The following CAMK1D variants were observed in gnomAD, a reference collection of about 807,000 sequenced individuals.
CAMK1D encodes calcium/calmodulin-dependent protein kinase type 1D.
A neutral mutation model predicts 47.7 loss-of-function variants in CAMK1D; 9 were observed. The observed-to-expected ratio is 0.19, with a 90% confidence interval of 0.11 to 0.33. The LOEUF (loss-of-function observed/expected upper bound fraction) is 0.33. Among genes scored for constraint, CAMK1D ranks in the 10% least tolerant of loss-of-function variants. CAMK1D has a pLI of 1.00. For missense variants in CAMK1D, 291 were observed against 488.7 expected (o/e 0.60, Z 3.81); for synonymous variants, 184 against 184.9 (o/e 0.99, Z 0.04).
intron 3 of CAMK1D, among the ~76,000 whole-genome samples, chr10:12,749,336 G>A (rs114126383): frequency 1.3e-5 from 2 of 151,096 alleles, no homozygotes; most frequent in South Asian, 4.2e-4. Context: ...TGGTTTTATA[G>A]GTTGTTAAAA....
chr10:12,822,036 G>A (rs1833032068), intron 8 of CAMK1D, among the ~76,000 whole-genome samples: 1 of 152,192 alleles, frequency 6.6e-6, no homozygotes, highest in Non-Finnish European at 1.5e-5. Context: ...CCATAGCGTT[G>A]CCTAAGTGTG....
intron 6 of CAMK1D, among the ~76,000 whole-genome samples, chr10:12,799,305 G>T (rs533990246): frequency 1.3e-5 from 2 of 152,192 alleles, no homozygotes; most frequent in East Asian, 1.9e-4. Flanking sequence ...AAAGTGCAGT[G>T]AAAGGCCTCA....
chr10:12,480,056 T>G (rs1252140168), intron 1 of CAMK1D, among the ~76,000 whole-genome samples: 2 of 152,206 alleles, frequency 1.3e-5, no homozygotes, highest in East Asian at 3.8e-4. Context: ...GCTTCTTGTC[T>G]GTTTCCCACA....
intron 10 of CAMK1D, 147 bp from the exon 11 acceptor site, chr10:12,828,622 A>C: frequency 1.6e-6 from 1 of 634,026 alleles, no homozygotes; most frequent in South Asian, 1.7e-5. Flanking sequence ...GCCTGGTGAA[A>C]AGAGTGAAAC....
intron 3 of CAMK1D, among the ~76,000 whole-genome samples, chr10:12,680,003 C>T (rs1212228855): frequency 6.6e-6 from 1 of 152,228 alleles, no homozygotes; most frequent in Non-Finnish European, 1.5e-5. Context: ...CCAGAAGCCC[C>T]AGCCACAGAA....
chr10:12,728,865 T>G (rs1185486709), intron 3 of CAMK1D, among the ~76,000 whole-genome samples: 1 of 152,238 alleles, frequency 6.6e-6, no homozygotes, highest in Non-Finnish European at 1.5e-5. Flanking sequence ...TTGCTCCCTC[T>G]TCAGGCTTGT....
intron 3 of CAMK1D, among the ~76,000 whole-genome samples, chr10:12,667,224 C>A (rs1413410963): frequency 6.6e-6 from 1 of 152,200 alleles, no homozygotes; most frequent in Non-Finnish European, 1.5e-5. Flanking sequence ...GGGAGGGAAG[C>A]AGATGGTAAC....
At chr10:12,365,345 T>G (rs1381490916) in intron 1 of CAMK1D, among the ~76,000 whole-genome samples, 5 of 152,200 alleles carry the variant, frequency 3.3e-5, no homozygotes, top group African/African-American at 1.2e-4. Flanking sequence ...CCAAATGAGA[T>G]AAGAATGTGT....
rs1467396443 is a variant in CAMK1D at position 12,366,050 on chromosome 10, C to T, written c.92+16140C>T. 6.6e-5 allele frequency among the ~76,000 whole-genome samples: 10 copies of T among 152,162 alleles called. No individual in the cohort carries two copies. The East Asian group carries it at 1.2e-3, about 18-fold the overall frequency. ...CAGTCTGGGTGACAGAATGAGACTC[C>T]GTCTCAAAAAAACACGTTTCCTTCT... On this transcript the variant is annotated intron_variant, in intron 1 of 10. Transcript: ENST00000619168.
chr10:12,395,941 A>G (rs1368273272), intron 1 of CAMK1D, among the ~76,000 whole-genome samples: 6 of 151,572 alleles, frequency 4.0e-5, no homozygotes, highest in Admixed American at 3.9e-4. Flanking sequence ...AACAAAAAAC[A>G]AAAGGGTTGT....
At chr10:12,751,073 TAAGATAAGATAAGATAA>T in intron 3 of CAMK1D, among the ~76,000 whole-genome samples, 1 of 38,242 alleles carries the variant, frequency 2.6e-5, no homozygotes, top group South Asian at 6.6e-4. Flanking sequence ...TAAGATAAGA[TAAGATAAGATAAGATAA>T]GATAAGATAA....
intron 6 of CAMK1D, among the ~76,000 whole-genome samples, chr10:12,793,000 G>T (rs1838050018): frequency 6.6e-6 from 1 of 151,390 alleles, no homozygotes; most frequent in Non-Finnish European, 1.5e-5. Context: ...ACACAATTTT[G>T]CATACCATTT....
At chr10:12,711,767 A>G (rs1308833833) in intron 3 of CAMK1D, among the ~76,000 whole-genome samples, 1 of 152,180 alleles carries the variant, frequency 6.6e-6, no homozygotes, top group African/African-American at 2.4e-5. Context: ...CTCTGTCTAC[A>G]CCCTGTTTTT....
chr10:12,547,196 G>T (rs764330936), intron 1 of CAMK1D, among the ~76,000 whole-genome samples: 15 of 152,312 alleles, frequency 9.8e-5, no homozygotes, highest in Non-Finnish European at 2.2e-4. Context: ...AAGAAGCAAA[G>T]AACTTTAGGA....
intron 3 of CAMK1D, among the ~76,000 whole-genome samples, chr10:12,702,202 A>G (rs1220057869): frequency 6.6e-6 from 1 of 152,094 alleles, no homozygotes; most frequent in Non-Finnish European, 1.5e-5. Flanking sequence ...TCCCTGGCAC[A>G]CAACGGAAGA....
In CAMK1D at chr10:12,796,146, T is replaced by G. The variant is rs377373209; in HGVS notation, c.641+4913T>G. Among the ~76,000 whole-genome samples, 216 of 152,324 alleles carry G rather than the reference T, an allele frequency of 1.4e-3. 3 individuals are homozygous for G. Among genetic ancestry groups the G allele is most frequent in the African/African-American group, 5.0e-3 (207 of 41,566 alleles). Reference sequence around the variant, plus strand: ...ATCATTTGCCTAAATTATGCTCAAGTATGCTGCGTATTGTGAGGAGACACT... The same window carrying G: ...ATCATTTGCCTAAATTATGCTCAAGGATGCTGCGTATTGTGAGGAGACACT... On this transcript the variant is annotated intron_variant, in intron 6 of 10. Transcript: ENST00000619168.
chr10:12,679,987 C>G lies in CAMK1D; in HGVS notation c.299+13177C>G, dbSNP rs1457325177. On this transcript the variant is annotated intron_variant, in intron 3 of 10. Coordinates refer to ENST00000619168, the MANE Select transcript of CAMK1D (RefSeq NM_153498.4). The stretch of plus-strand genomic sequence containing the variant: ...CTAAAATGTAAGCTACACATCCTCT[C>G]TCATCCCAGAAGCCCCAGCCACAGA... Among the ~76,000 whole-genome samples, 3 of 152,222 alleles carry G rather than the reference C, an allele frequency of 2.0e-5. No individual in the cohort carries two copies. In the East Asian group the frequency reaches 5.8e-4, roughly 29 times the overall value.
chr10:12,612,499 C>A (rs1392987584), intron 2 of CAMK1D, among the ~76,000 whole-genome samples: 2 of 151,986 alleles, frequency 1.3e-5, no homozygotes, highest in African/African-American at 2.4e-5. Flanking sequence ...AACCACCATG[C>A]CTGGTGGCCT....
chr10:12,727,486 C>T (rs573518526), intron 3 of CAMK1D, among the ~76,000 whole-genome samples: 3 of 152,274 alleles, frequency 2.0e-5, no homozygotes, highest in Admixed American at 6.5e-5. Context: ...CACTGGGCCA[C>T]GATGTTTTAT....
Sources: gnomAD v4.1 joint callset for allele counts (sites outside exome capture counted in the v4.1 genomes callset) on GRCh38, gnomAD v4.1.1 for gene constraint, MANE v1.5 for transcripts, NCBI Gene and HGNC (gene_info 2026-07-23, HGNC 2026-07-21) for gene names.